CDH4: variants seen among roughly 807,000 people sequenced by gnomAD.
CDH4 encodes cadherin-4.
Under a neutral mutation model 86.0 loss-of-function variants are expected in CDH4, and 33 were observed. The observed-to-expected ratio is 0.38, with a 90% confidence interval of 0.29 to 0.51. The LOEUF (loss-of-function observed/expected upper bound fraction) is 0.51, where lower values mean the gene tolerates loss of function less well. Among genes scored for constraint, CDH4 ranks in the 20% least tolerant of loss-of-function variants. CDH4 has a pLI of 0.86. For missense variants in CDH4, 1,114 were observed against 1,307.4 expected (o/e 0.85, Z 2.28); for synonymous variants, 555 against 549.4 (o/e 1.01, Z -0.14).
At chr20:61,467,430 A>T (rs2085478960) in intron 2 of CDH4, among the ~76,000 whole-genome samples, 1 of 152,194 alleles carries the variant, frequency 6.6e-6, no homozygotes, top group African/African-American at 2.4e-5. Flanking sequence ...GTTTCTCTGA[A>T]ACATGTGTCT....
At chr20:61,324,489 G>C (rs545794796) in intron 2 of CDH4, among the ~76,000 whole-genome samples, 1 of 152,264 alleles carries the variant, frequency 6.6e-6, no homozygotes, top group East Asian at 1.9e-4. Flanking sequence ...GCAGACCTTG[G>C]CTGTGGGCTC....
At chr20:61,601,305 T>A (rs1040927253) in intron 2 of CDH4, among the ~76,000 whole-genome samples, 1 of 151,974 alleles carries the variant, frequency 6.6e-6, no homozygotes, top group Non-Finnish European at 1.5e-5. Context: ...CCACAAGGGA[T>A]CCCCATGACC....
chr20:61,923,735 C>T, intron 10 of CDH4, 31 bp downstream of exon 10: 1 of 1,605,528 alleles, frequency 6.2e-7, no homozygotes, highest in Non-Finnish European at 8.5e-7. Flanking sequence ...TCGTCCCTGC[C>T]TGCAGCTTCC....
At chr20:61,586,801 A>G (rs894998385) in intron 2 of CDH4, among the ~76,000 whole-genome samples, 44 of 152,228 alleles carry the variant, frequency 2.9e-4, no homozygotes, top group Non-Finnish European at 1.3e-4. Context: ...GAGACAAGAG[A>G]CACACACAGA....
intron 2 of CDH4, among the ~76,000 whole-genome samples, chr20:61,699,673 C>T (rs1485167869): frequency 2.0e-5 from 3 of 152,166 alleles, no homozygotes; most frequent in South Asian, 4.1e-4. Context: ...GTCACTGTGT[C>T]GTTAGCGTCA....
intron 2 of CDH4, among the ~76,000 whole-genome samples, chr20:61,363,042 AG>A (rs1451737033): frequency 6.6e-6 from 1 of 152,062 alleles, no homozygotes; most frequent in Admixed American, 6.6e-5. Flanking sequence ...CCCATTTGTG[AG>A]GACAGTGAGT....
At chr20:61,588,096 C>G (rs1050996558) in intron 2 of CDH4, among the ~76,000 whole-genome samples, 3 of 152,160 alleles carry the variant, frequency 2.0e-5, no homozygotes, top group Non-Finnish European at 4.4e-5. Context: ...GAGGGCCTTC[C>G]GAGAAGCCAG....
At position 61,383,387 on chromosome 20, in the gene CDH4, G is replaced by A. The variant is rs867667928; in HGVS notation, c.169+128450G>A. Among the ~76,000 whole-genome samples the A allele has an allele frequency of 1.9e-4, 14 of 72,930 alleles. 2 individuals are homozygous for A. The highest frequency in any genetic ancestry group is 9.7e-4 in the African/African-American group (13 of 13,340). 47.8% of individuals were successfully genotyped at this position (72,930 alleles called of 152,430 possible). A position where few individuals can be genotyped will look rare whatever the true frequency, so the allele number is the denominator to read the frequency against. On this transcript the variant is annotated intron_variant, in intron 2 of 15. Transcript: ENST00000614565. ...TATATGAATATATATGGATATATAT[G>A]AATATATGATATATATGAATATATA...
chr20:61,360,612 C>T (rs2084778375), intron 2 of CDH4, among the ~76,000 whole-genome samples: 1 of 152,174 alleles, frequency 6.6e-6, no homozygotes, highest in Admixed American at 6.5e-5. Context: ...CTCAGAATGT[C>T]ACCACCCAGT....
At chr20:61,443,956 CTGTG>C (rs2085327762) in intron 2 of CDH4, among the ~76,000 whole-genome samples, 1 of 93,206 alleles carries the variant, frequency 1.1e-5, no homozygotes, top group Admixed American at 1.1e-4. Flanking sequence ...GTGTGTGTGT[CTGTG>C]TGTGTATCTG....
At chr20:61,619,559 G>A (rs1253482321) in intron 2 of CDH4, among the ~76,000 whole-genome samples, 2 of 152,180 alleles carry the variant, frequency 1.3e-5, no homozygotes, top group African/African-American at 4.8e-5. Flanking sequence ...CCCTCACACC[G>A]AAGAAGAGTG....
At chr20:61,525,259 G>C (rs2085901630) in intron 2 of CDH4, among the ~76,000 whole-genome samples, 1 of 152,220 alleles carries the variant, frequency 6.6e-6, no homozygotes, top group African/African-American at 2.4e-5. Flanking sequence ...TGAGCTGCCT[G>C]TGGTTTTGGA....
At chr20:61,773,220 G>T (rs562098059) in intron 4 of CDH4, 38 bp downstream of exon 4, 1 of 1,488,814 alleles carries the variant, frequency 6.7e-7, no homozygotes, top group East Asian at 2.5e-5. Flanking sequence ...GGGGGTCTCG[G>T]CGTTAGCAGT....
intron 6 of CDH4, among the ~76,000 whole-genome samples, chr20:61,857,738 A>G (rs1411915881): frequency 2.0e-5 from 3 of 152,294 alleles, no homozygotes; most frequent in East Asian, 1.9e-4. Flanking sequence ...TAAGACAGAC[A>G]GATCCTGTAA....
chr20:61,486,551 A>C (rs755551588), intron 2 of CDH4, among the ~76,000 whole-genome samples: 1 of 152,256 alleles, frequency 6.6e-6, no homozygotes, highest in Admixed American at 6.5e-5. Flanking sequence ...CGTTGGAAAT[A>C]AAACACTTGT....
At position 61,547,792 on chromosome 20, in the gene CDH4, T is replaced by C. The variant is rs565415254; in HGVS notation, c.170-195771T>C. On this transcript the variant is annotated intron_variant, in intron 2 of 15. Transcript: ENST00000614565. ...TAGGTGTTCACTTGAGCATCTGAAA[T>C]CGTTTCCCATGCATGGACATGTGTG... 5.4e-4 allele frequency among the ~76,000 whole-genome samples: 83 copies of C among 152,320 alleles called. 1 individual carries two copies. Among genetic ancestry groups the C allele is most frequent in the Admixed American group, 3.7e-3 (56 of 15,300 alleles).
chr20:61,368,085 G>A (rs1416932887), intron 2 of CDH4, among the ~76,000 whole-genome samples: 1 of 152,062 alleles, frequency 6.6e-6, no homozygotes, highest in African/African-American at 2.4e-5. Flanking sequence ...TGGTCAGGCT[G>A]GTCTCAAAGT....
In CDH4 at chr20:61,532,833, G is replaced by T. The variant is rs1600734802; in HGVS notation, c.170-210730G>T. On this transcript the variant is annotated intron_variant, in intron 2 of 15. Transcript: ENST00000614565. Reference sequence around the variant, plus strand: ...TGTCCCGTAACCAGTTCCCACAAGCGTAGCAGCTGAAGCAACACTCCTCTG... The same window carrying T: ...TGTCCCGTAACCAGTTCCCACAAGCTTAGCAGCTGAAGCAACACTCCTCTG... Among the ~76,000 whole-genome samples, 3 of 152,144 alleles carry T rather than the reference G, an allele frequency of 2.0e-5. No individual in the cohort carries two copies. The South Asian group carries it at 6.2e-4, about 31-fold the overall frequency.
intron 2 of CDH4, among the ~76,000 whole-genome samples, chr20:61,344,055 G>A (rs1315251859): frequency 3.3e-5 from 5 of 152,186 alleles, no homozygotes; most frequent in Admixed American, 2.6e-4. Context: ...ACATAGGAGC[G>A]TGGTGAAGCT....
Sources: gnomAD v4.1 joint callset for allele counts (sites outside exome capture counted in the v4.1 genomes callset) on GRCh38, gnomAD v4.1.1 for gene constraint, MANE v1.5 for transcripts, NCBI Gene and HGNC (gene_info 2026-07-23, HGNC 2026-07-21) for gene names.